TRPM8: variants seen among roughly 807,000 people sequenced by gnomAD.
The protein encoded by TRPM8 is transient receptor potential cation channel subfamily M member 8.
TRPM8 carries 110 observed loss-of-function variants against 133.7 expected under a neutral mutation model. That is an observed-to-expected ratio of 0.82 (90% CI 0.70 to 0.96). The LOEUF (loss-of-function observed/expected upper bound fraction) is 0.96. TRPM8 is among the 40% of genes least tolerant of loss of function. The pLI is 0.00. For missense variants in TRPM8, 1,291 were observed against 1,379.5 expected (o/e 0.94, Z 1.02); for synonymous variants, 535 against 532.3 (o/e 1.01, Z -0.07).
chr2:233,921,381 G>T (rs117105850), intron 1 of TRPM8, among the ~76,000 whole-genome samples: 2 of 152,250 alleles, frequency 1.3e-5, no homozygotes, highest in East Asian at 3.9e-4. Flanking sequence ...CTGTATCAGG[G>T]AATGTGGGTT....
intron 3 of TRPM8, among the ~76,000 whole-genome samples, chr2:233,932,710 C>T (rs2125061016): frequency 6.6e-6 from 1 of 151,976 alleles, no homozygotes; most frequent in South Asian, 2.1e-4. Flanking sequence ...ACAGGAACAC[C>T]TCAGGGTCTT....
At chr2:233,950,219 G>A (rs929267548) in intron 9 of TRPM8, 73 bp downstream of exon 9, 4 of 1,421,730 alleles carry the variant, frequency 2.8e-6, no homozygotes, top group East Asian at 2.5e-5. Flanking sequence ...TGCCTTAAAC[G>A]CCCAACTCCA....
intron 1 of TRPM8, among the ~76,000 whole-genome samples, chr2:233,925,199 G>T (rs1691491298): frequency 6.6e-6 from 1 of 152,202 alleles, no homozygotes; most frequent in South Asian, 2.1e-4. Context: ...TTGCAAGGGA[G>T]TATTGATTCA....
Position 233,946,005 on chromosome 2 carries a change from G to A in TRPM8, c.849G>A (p.Lys283=). The part of the protein sequence containing the change: ...VEAKLRNQLE[K]YISERTIQDS... ...CAAAGCTCCGGAATCAGCTAGAGAA[G>A]TATATCTCTGAGCGCACTATTCAAG... Residue 283 remains lysine, a synonymous_variant, in exon 7 of 26, where the codon AAG becomes AAA. Coordinates refer to ENST00000324695, the MANE Select transcript of TRPM8 (RefSeq NM_024080.5). The A allele has an allele frequency of 6.2e-7, 1 of 1,614,130 alleles. No homozygotes were observed. Among genetic ancestry groups the A allele is most frequent in the South Asian group, 1.1e-5 (1 of 91,076 alleles).
At chr2:233,976,937 A>G (rs1348249539) in intron 17 of TRPM8, among the ~76,000 whole-genome samples, 1 of 152,090 alleles carries the variant, frequency 6.6e-6, no homozygotes, top group Admixed American at 6.6e-5. Context: ...TTCCTCTAAG[A>G]AATAGTTCTG....
chr2:233,949,319 T>C (rs938700656), intron 8 of TRPM8, among the ~76,000 whole-genome samples: 2 of 152,260 alleles, frequency 1.3e-5, no homozygotes, highest in African/African-American at 2.4e-5. Context: ...TATATCTTGC[T>C]GTCCAGTGAT....
chr2:233,985,773 C>T lies in TRPM8; in HGVS notation c.2847C>T (p.Pro949=), dbSNP rs1692132579. 2 of 1,614,170 alleles carry T rather than the reference C, an allele frequency of 1.2e-6. No individual in the cohort carries two copies. Among genetic ancestry groups the T allele is most frequent in the Admixed American group, 1.7e-5 (1 of 60,020 alleles). Residue 949 remains proline, a synonymous_variant, in exon 21 of 26, where the codon CCC becomes CCT. Transcript: ENST00000324695. ...LCVELDEHNL[P]RFPEWITIPL... ...TGGAGCTGGATGAGCACAACCTGCCCCGGTTCCCCGAGTGGATCACCATCC... is the reference window on the plus strand; with the variant it reads ...TGGAGCTGGATGAGCACAACCTGCCTCGGTTCCCCGAGTGGATCACCATCC...
intron 1 of TRPM8, among the ~76,000 whole-genome samples, chr2:233,923,837 C>T (rs1691458372): frequency 6.6e-6 from 1 of 152,100 alleles, no homozygotes; most frequent in Admixed American, 6.5e-5. Context: ...TGGAAAAAAA[C>T]AAAAACAGCC....
intron 24 of TRPM8, among the ~76,000 whole-genome samples, chr2:234,009,150 C>T (rs1574791709): frequency 1.3e-5 from 2 of 152,158 alleles, no homozygotes; most frequent in Admixed American, 6.5e-5. Flanking sequence ...CAAGAGGGAC[C>T]TATCTGGAAT....
rs781648773 is a variant in TRPM8 at position 233,985,804 on chromosome 2, G to A, written c.2878G>A (p.Val960Met). The change falls in exon 21 of 26, where the codon GTG (valine) becomes ATG (methionine). Residue 960 changes from valine (V) to methionine (M), a missense_variant. Val to Met is a conservative substitution (Grantham distance 21). Coordinates refer to ENST00000324695, the MANE Select transcript of TRPM8 (RefSeq NM_024080.5). ...RFPEWITIPLVCIYMLSTNIL... is the reference protein window; with the variant it reads ...RFPEWITIPLMCIYMLSTNIL... ...CCCCGAGTGGATCACCATCCCCCTG[G>A]TGTGCATCTACATGTTATCCACCAA... 3 of 1,614,066 alleles carry A rather than the reference G, an allele frequency of 1.9e-6. No individual in the cohort carries two copies. Among genetic ancestry groups the A allele is most frequent in the African/African-American group, 2.7e-5 (2 of 74,926 alleles).
At chr2:233,944,854 A>G (rs948294261) in intron 6 of TRPM8, among the ~76,000 whole-genome samples, 4 of 152,208 alleles carry the variant, frequency 2.6e-5, no homozygotes, top group African/African-American at 9.7e-5. Context: ...AGTGTATTAC[A>G]TATATTAACT....
chr2:233,918,182 G>A (rs1691339175), intron 1 of TRPM8, among the ~76,000 whole-genome samples: 1 of 151,980 alleles, frequency 6.6e-6, no homozygotes. Flanking sequence ...CTGATCATGA[G>A]AGAAGTTTTA....
At chr2:233,963,166 A>C in intron 12 of TRPM8, 116 bp from the exon 13 acceptor site, 1 of 564,908 alleles carries the variant, frequency 1.8e-6, no homozygotes, top group Non-Finnish European at 3.2e-6. Context: ...GTACTGTGAG[A>C]ATGGAGTCAT....
intron 2 of TRPM8, among the ~76,000 whole-genome samples, chr2:233,927,860 C>CTCTCTCTTTCTTTCTTTCTT: frequency 4.1e-5 from 1 of 24,120 alleles, no homozygotes; most frequent in South Asian, 1.5e-3. Flanking sequence ...TCCTTTCTTT[C>CTCTCTCTTTCTTTCTTTCTT]TCTTTCTTTC....
intron 15 of TRPM8, among the ~76,000 whole-genome samples, chr2:233,968,885 A>C (rs1691639940): frequency 6.6e-6 from 1 of 151,992 alleles, no homozygotes; most frequent in Admixed American, 6.6e-5. Flanking sequence ...TTTTACATGC[A>C]TTTCAGCCTG....
chr2:233,974,517 C>G (rs1691816851), intron 17 of TRPM8, among the ~76,000 whole-genome samples: 1 of 152,196 alleles, frequency 6.6e-6, no homozygotes, highest in African/African-American at 2.4e-5. Context: ...TAGGTGTGAG[C>G]CACTGCGCTC....
chr2:233,929,331 A>C (rs1691637291), intron 2 of TRPM8, among the ~76,000 whole-genome samples: 1 of 152,218 alleles, frequency 6.6e-6, no homozygotes, highest in Non-Finnish European at 1.5e-5. Context: ...AAGATAAGGC[A>C]CGTGGTCACC....
At chr2:234,016,669 TC>T (rs1692964016) in intron 25 of TRPM8, among the ~76,000 whole-genome samples, 1 of 152,126 alleles carries the variant, frequency 6.6e-6, no homozygotes, top group South Asian at 2.1e-4. Context: ...CAGATAATTG[TC>T]TATTTTTTTT....
intron 21 of TRPM8, among the ~76,000 whole-genome samples, chr2:233,988,035 T>C (rs1350349445): frequency 2.0e-5 from 3 of 151,378 alleles, no homozygotes; most frequent in Non-Finnish European, 4.4e-5. Context: ...AGTGTGAAAA[T>C]GGACTAACAC....
Sources: allele counts gnomAD v4.1 joint callset (sites outside exome capture counted in the v4.1 genomes callset), GRCh38; gene constraint gnomAD v4.1.1; transcripts MANE v1.5; gene names NCBI Gene and HGNC (gene_info 2026-07-23, HGNC 2026-07-21).